Variants in GDPD4 observed in about 807,000 individuals in gnomAD.
GDPD4 encodes glycerophosphodiester phosphodiesterase 6.
In GDPD4, 60 loss-of-function variants were observed where a neutral mutation model predicts 67.8. The ratio of observed to expected loss-of-function variants is 0.88; its 90% CI spans 0.72 to 1.10. The LOEUF is 1.10. GDPD4 is among the 50% of genes least tolerant of loss of function. The pLI is 0.00. For synonymous variants in GDPD4, 212 were observed against 210.9 expected, an observed-to-expected ratio of 1.00 and a Z score of -0.04; for missense variants, 623 against 613.9, an observed-to-expected ratio of 1.01 and a Z score of -0.16.
chr11:77,255,021 A>T (rs1260531031), intron 11 of GDPD4, among the ~76,000 whole-genome samples: 2 of 152,120 alleles, frequency 1.3e-5, no homozygotes, highest in Admixed American at 6.5e-5. Flanking sequence ...AAGCTCCACG[A>T]TCAAACCTAA....
In GDPD4 at chr11:77,276,168, C is replaced by G. The variant is rs781629601; in HGVS notation, c.200G>C (p.Cys67Ser). 9 of 1,612,962 alleles carry G rather than the reference C, an allele frequency of 5.6e-6. No individual in the cohort carries two copies. The highest frequency in any genetic ancestry group is 7.6e-6 in the Non-Finnish European group (9 of 1,178,970). ...WERIELYLHL[C>S]HKILILLVIL... The stretch of plus-strand genomic sequence containing the variant: ...TGGACTCAGATGTCCTACCTTATGA[C>G]ACAAGTGCAGGTATAGTTCAATCCT... Residue 67 changes from cysteine (C) to serine (S), a missense_variant, in exon 5 of 17, where the codon TGT becomes TCT. Cys to Ser is a moderately radical substitution (Grantham distance 112). Transcript: ENST00000315938.
intron 11 of GDPD4, among the ~76,000 whole-genome samples, chr11:77,257,576 C>G (rs1293139042): frequency 6.6e-6 from 1 of 151,384 alleles, no homozygotes; most frequent in East Asian, 1.9e-4. Flanking sequence ...CACACACACA[C>G]ACACACACAC....
chr11:77,222,796 T>G (rs1206397906), intron 16 of GDPD4, among the ~76,000 whole-genome samples: 6 of 152,210 alleles, frequency 3.9e-5, no homozygotes, highest in Non-Finnish European at 2.9e-5. Context: ...AGGTTGGGGA[T>G]GTTCTCCTGG....
At chr11:77,295,254 C>T (rs1428293106) in intron 1 of GDPD4, among the ~76,000 whole-genome samples, 1 of 151,682 alleles carries the variant, frequency 6.6e-6, no homozygotes, top group Non-Finnish European at 1.5e-5. Flanking sequence ...TCCCAAAGTG[C>T]TGGGATTACA....
At chr11:77,282,693 A>AAAC (rs1404907657) in intron 3 of GDPD4, among the ~76,000 whole-genome samples, 2 of 151,630 alleles carry the variant, frequency 1.3e-5, no homozygotes, top group Admixed American at 6.6e-5. Context: ...CCTCAAAAAA[A>AAAC]AACAACAACA....
intron 10 of GDPD4, among the ~76,000 whole-genome samples, chr11:77,263,597 C>T (rs1357004584): frequency 6.6e-6 from 1 of 152,010 alleles, no homozygotes; most frequent in East Asian, 1.9e-4. Flanking sequence ...AACTAATAAG[C>T]AAGATAAATA....
Position 77,296,986 on chromosome 11 carries a change from G to A in GDPD4, c.-254+4619C>T, listed in dbSNP as rs143117505. Among the ~76,000 whole-genome samples, 7 of 150,996 alleles carry A rather than the reference G, an allele frequency of 4.6e-5. No individual in the cohort carries two copies. In the South Asian group the frequency reaches 6.3e-4, roughly 14 times the overall value. On this transcript the variant is annotated intron_variant, in intron 1 of 16. Coordinates refer to ENST00000315938, the MANE Select transcript of GDPD4 (RefSeq NM_182833.3). ...GAAGAATCGCTTGAACCCAGGAGAC[G>A]GAGGTTGCAGTGAGCCAAGATCGCG...
At chr11:77,232,088 C>A (rs927279118) in intron 14 of GDPD4, among the ~76,000 whole-genome samples, 6 of 152,064 alleles carry the variant, frequency 3.9e-5, no homozygotes, top group African/African-American at 1.4e-4. Flanking sequence ...GAGGCCCCTT[C>A]CCTCTTAGGC....
chr11:77,250,644 T>A (rs1958873427), intron 11 of GDPD4, among the ~76,000 whole-genome samples: 1 of 152,176 alleles, frequency 6.6e-6, no homozygotes, highest in Non-Finnish European at 1.5e-5. Flanking sequence ...CATAGCTATT[T>A]TATGAAGTAT....
intron 13 of GDPD4, among the ~76,000 whole-genome samples, chr11:77,238,682 GA>G (rs1958609298): frequency 6.6e-6 from 1 of 151,616 alleles, no homozygotes; most frequent in African/African-American, 2.4e-5. Flanking sequence ...CAATAACAAG[GA>G]GTAATAAAAA....
intron 3 of GDPD4, among the ~76,000 whole-genome samples, chr11:77,282,905 A>G (rs930323005): frequency 1.3e-5 from 2 of 152,210 alleles, no homozygotes; most frequent in Non-Finnish European, 2.9e-5. Flanking sequence ...TGAGCTACAG[A>G]AAGGTTAAAA....
intron 1 of GDPD4, 143 bp downstream of exon 1, chr11:77,301,462 G>T (rs1214533371): frequency 6.6e-6 from 1 of 152,098 alleles, no homozygotes; most frequent in East Asian, 1.9e-4. Flanking sequence ...CGTAATCCTC[G>T]AGAGGGGACA....
intron 10 of GDPD4, among the ~76,000 whole-genome samples, chr11:77,266,339 A>G (rs867914804): frequency 6.6e-6 from 1 of 152,194 alleles, no homozygotes; most frequent in Admixed American, 6.6e-5. Flanking sequence ...TTGTAGCACA[A>G]TACATTACTC....
chr11:77,299,523 C>T (rs1357666131), intron 1 of GDPD4, among the ~76,000 whole-genome samples: 1 of 152,202 alleles, frequency 6.6e-6, no homozygotes, highest in African/African-American at 2.4e-5. Context: ...GTATGTTCCA[C>T]ATTTAACAGT....
intron 1 of GDPD4, among the ~76,000 whole-genome samples, chr11:77,294,205 G>A (rs993302829): frequency 2.5e-4 from 38 of 152,236 alleles, no homozygotes; most frequent in South Asian, 1.5e-3. Context: ...ATGTACTAAC[G>A]TTATCTTAGT....
rs57989259 is a variant in GDPD4 at position 77,235,009 on chromosome 11, GTTTTTTTTTTTTTT to G, written c.1242-1851_1242-1838del. Reference sequence around the variant, plus strand: ...TCTCTCTGCAACCTTGTCAATATCTGTTTTTTTTTTTTTTTTTTTTTTTTTTTTGACTTTTTAGT... The same window carrying G: ...TCTCTCTGCAACCTTGTCAATATCTGTTTTTTTTTTTTTTGACTTTTTAGT... On this transcript the variant is annotated intron_variant, in intron 13 of 16. Transcript: ENST00000315938. 6.2e-3 allele frequency among the ~76,000 whole-genome samples: 326 copies of G among 52,274 alleles called. 9 individuals are homozygous for G. The highest frequency in any genetic ancestry group is 0.018 in the African/African-American group (289 of 15,860). 34.3% of individuals were successfully genotyped at this position (52,274 alleles called of 152,430 possible). A position where few individuals can be genotyped will look rare whatever the true frequency, so the allele number is the denominator to read the frequency against.
intron 13 of GDPD4, among the ~76,000 whole-genome samples, chr11:77,240,727 C>CA (rs1291899487): frequency 4.0e-4 from 60 of 151,744 alleles, no homozygotes; most frequent in Non-Finnish European, 6.5e-4. Flanking sequence ...TATTTAATAG[C>CA]AAAAAAACAA....
intron 1 of GDPD4, among the ~76,000 whole-genome samples, chr11:77,299,149 G>A (rs1404785181): frequency 1.3e-5 from 2 of 152,120 alleles, no homozygotes; most frequent in Non-Finnish European, 2.9e-5. Flanking sequence ...GACAGGGGCC[G>A]GAGGTAGCAG....
At chr11:77,243,966 A>AGAGAGAGTCTAGTCCTTGGT (rs2135843569) in intron 12 of GDPD4, 118 bp from the exon 13 acceptor site, 2 of 673,030 alleles carry the variant, frequency 3.0e-6, no homozygotes, top group East Asian at 5.1e-5. Context: ...GAGAGTAGAG[A>AGAGAGAGTCTAGTCCTTGGT]GAGAGAGTCT....
Sources: allele counts gnomAD v4.1 joint callset (sites outside exome capture counted in the v4.1 genomes callset), GRCh38; gene constraint gnomAD v4.1.1; transcripts MANE v1.5; gene names NCBI Gene and HGNC (gene_info 2026-07-23, HGNC 2026-07-21).